The following ADAMTSL1 variants were observed in gnomAD, a reference collection of about 807,000 sequenced individuals.
ADAMTSL1 encodes the protein ADAMTS like 1.
Under a neutral mutation model 201.8 loss-of-function variants are expected in ADAMTSL1, and 126 were observed. The observed-to-expected ratio is 0.62, with a 90% CI of 0.54 to 0.72. The LOEUF is 0.72. ADAMTSL1 is among the 30% of genes least tolerant of loss of function. The probability of loss-of-function intolerance (pLI) is 0.00; values close to 1 mark genes in which losing one functional copy is unlikely to be tolerated. For missense variants in ADAMTSL1, 2,679 were observed against 2,277.8 expected, an observed-to-expected ratio of 1.18 and a Z score of -3.59; for synonymous variants, 1,121 against 903.4, an observed-to-expected ratio of 1.24 and a Z score of -4.32.
At chr9:18,692,728 T>C (rs1170158344) in intron 13 of ADAMTSL1, among the ~76,000 whole-genome samples, 1 of 152,202 alleles carries the variant, frequency 6.6e-6, no homozygotes, top group African/African-American at 2.4e-5. Flanking sequence ...GTTTCCAATA[T>C]TTTAAATCTT....
At chr9:18,213,216 T>C (rs1829942924) in intron 2 of ADAMTSL1, among the ~76,000 whole-genome samples, 1 of 152,192 alleles carries the variant, frequency 6.6e-6, no homozygotes, top group African/African-American at 2.4e-5. Context: ...CCTGATTGGA[T>C]GGTACACTAT....
chr9:17,990,887 C>T (rs978492955), intron 1 of ADAMTSL1, among the ~76,000 whole-genome samples: 3 of 152,048 alleles, frequency 2.0e-5, no homozygotes, highest in Non-Finnish European at 4.4e-5. Flanking sequence ...CCAACTTTAC[C>T]TAGTAGGAAA....
intron 1 of ADAMTSL1, among the ~76,000 whole-genome samples, chr9:17,961,533 G>A (rs1231603667): frequency 1.3e-5 from 2 of 152,196 alleles, no homozygotes; most frequent in South Asian, 2.1e-4. Context: ...TTACAGGCGT[G>A]AGCCACCACA....
intron 4 of ADAMTSL1, among the ~76,000 whole-genome samples, chr9:18,617,781 T>G (rs1448312162): frequency 2.6e-5 from 4 of 152,166 alleles, no homozygotes; most frequent in Non-Finnish European, 4.4e-5. Context: ...TTCTTTAAAT[T>G]TTTCTTGGAG....
chr9:18,002,231 A>G (rs936401517), intron 1 of ADAMTSL1, among the ~76,000 whole-genome samples: 1 of 152,046 alleles, frequency 6.6e-6, no homozygotes, highest in Non-Finnish European at 1.5e-5. Flanking sequence ...CAGAAGGAGA[A>G]TGTTGAAAGA....
In ADAMTSL1 at chr9:18,584,065, A is replaced by T. The variant is rs1832748; in HGVS notation, c.474+9799A>T. ...GGGACTGTTGAGAAGGATGATTGTAATTTGCAATATGAGAAGGGGATGAGG... is the reference window on the plus strand; with the variant it reads ...GGGACTGTTGAGAAGGATGATTGTATTTTGCAATATGAGAAGGGGATGAGG... On this transcript the variant is annotated intron_variant, in intron 4 of 28. Coordinates refer to ENST00000380548, the MANE Select transcript of ADAMTSL1 (RefSeq NM_001040272.6). 7.5e-3 allele frequency among the ~76,000 whole-genome samples: 1,137 copies of T among 152,230 alleles called. 9 individuals carry two copies. Among genetic ancestry groups the T allele is most frequent in the African/African-American group, 0.021 (881 of 41,534 alleles).
intron 1 of ADAMTSL1, among the ~76,000 whole-genome samples, chr9:18,106,172 G>T (rs1718732229): frequency 6.6e-6 from 1 of 152,176 alleles, no homozygotes; most frequent in South Asian, 2.1e-4. Flanking sequence ...CTTAAGGCAG[G>T]CAGCTCGCTT....
intron 13 of ADAMTSL1, among the ~76,000 whole-genome samples, chr9:18,690,359 T>C (rs565349507): frequency 6.6e-6 from 1 of 152,314 alleles, no homozygotes; most frequent in African/African-American, 2.4e-5. Context: ...TGGCTAGAAA[T>C]TTTAATTGTG....
At chr9:18,484,580 C>G (rs1821892442) in intron 1 of ADAMTSL1, among the ~76,000 whole-genome samples, 1 of 152,092 alleles carries the variant, frequency 6.6e-6, no homozygotes, top group Non-Finnish European at 1.5e-5. Flanking sequence ...TAGAGCTATG[C>G]TAAAGTAGTA....
intron 23 of ADAMTSL1, among the ~76,000 whole-genome samples, chr9:18,849,316 G>A (rs980837171): frequency 2.0e-5 from 3 of 151,992 alleles, no homozygotes. Context: ...CACCCCACCC[G>A]CACATTTCCT....
chr9:18,468,231 A>C (rs1378962786), intron 2 of ADAMTSL1, among the ~76,000 whole-genome samples: 4 of 152,202 alleles, frequency 2.6e-5, no homozygotes, highest in Non-Finnish European at 2.9e-5. Context: ...CAATGTAGAA[A>C]AAAGAAGATC....
intron 2 of ADAMTSL1, among the ~76,000 whole-genome samples, chr9:18,228,842 GT>G (rs57580462): frequency 0.23 from 32,001 of 139,838 alleles, 3,390 homozygotes; most frequent in Middle Eastern, 0.25. Context: ...GAGTTTTTTT[GT>G]TTTTTTTTTT....
At chr9:18,729,487 G>T (rs181770077) in intron 15 of ADAMTSL1, among the ~76,000 whole-genome samples, 1 of 152,330 alleles carries the variant, frequency 6.6e-6, no homozygotes, top group East Asian at 1.9e-4. Flanking sequence ...CAGCAAGGAT[G>T]GCTCAACATT....
chr9:18,391,117 A>G (rs1014586481), intron 2 of ADAMTSL1, among the ~76,000 whole-genome samples: 6 of 152,298 alleles, frequency 3.9e-5, no homozygotes, highest in African/African-American at 1.4e-4. Flanking sequence ...CAGCAAAGCC[A>G]TGCCTTGTGC....
intron 2 of ADAMTSL1, among the ~76,000 whole-genome samples, chr9:18,202,500 T>C (rs1829491010): frequency 6.6e-6 from 1 of 152,230 alleles, no homozygotes; most frequent in South Asian, 2.1e-4. Flanking sequence ...ATTCTTGGAC[T>C]TTATTTATTA....
intron 2 of ADAMTSL1, among the ~76,000 whole-genome samples, chr9:18,213,558 T>G (rs1248991496): frequency 6.6e-6 from 1 of 152,182 alleles, no homozygotes; most frequent in East Asian, 1.9e-4. Flanking sequence ...AGGTGTCTTT[T>G]TGTTTTCTGT....
intron 2 of ADAMTSL1, among the ~76,000 whole-genome samples, chr9:18,234,732 T>G (rs946270390): frequency 6.6e-6 from 1 of 152,298 alleles, no homozygotes; most frequent in African/African-American, 2.4e-5. Flanking sequence ...AACAAAATAT[T>G]CATTTGGTAC....
In ADAMTSL1 at chr9:18,276,060, G is replaced by A. The variant is rs73643213; in HGVS notation, c.207+112079G>A. 5.0e-3 allele frequency among the ~76,000 whole-genome samples: 763 copies of A among 152,090 alleles called. 6 individuals carry two copies. Among genetic ancestry groups the A allele is most frequent in the African/African-American group, 0.017 (723 of 41,494 alleles). On this transcript the variant is annotated intron_variant, in intron 2 of 29. Coordinates refer to the ADAMTSL1 transcript ENST00000680146. Reference sequence around the variant, plus strand: ...TTAAAGTCTATTTTATCTGATACAGGTTTAGCCACCAAAAGTCTTTAGTTA... The same window carrying A: ...TTAAAGTCTATTTTATCTGATACAGATTTAGCCACCAAAAGTCTTTAGTTA...
At chr9:17,919,284 A>G (rs1260439529) in intron 1 of ADAMTSL1, among the ~76,000 whole-genome samples, 1 of 151,484 alleles carries the variant, frequency 6.6e-6, no homozygotes, top group Admixed American at 6.6e-5. Context: ...AGCTTTATTG[A>G]GATATAATTC....
Sources: allele counts gnomAD v4.1 joint callset (sites outside exome capture counted in the v4.1 genomes callset), GRCh38; gene constraint gnomAD v4.1.1; transcripts MANE v1.5; gene names NCBI Gene and HGNC (gene_info 2026-07-23, HGNC 2026-07-21).